The following RNF13 variants were observed in gnomAD, a reference collection of about 807,000 sequenced individuals.
The protein encoded by RNF13 is ring finger protein 13, also known as E3 ubiquitin-protein ligase RNF13.
A neutral mutation model predicts 37.7 loss-of-function variants in RNF13; 19 were observed. The observed-to-expected ratio is 0.50, with a 90% CI of 0.35 to 0.74. The LOEUF is 0.74. RNF13 is among the 30% of genes least tolerant of loss of function. The pLI is 0.01. For missense variants in RNF13, 375 were observed against 453.0 expected, an observed-to-expected ratio of 0.83 and a Z score of 1.56; for synonymous variants, 144 against 157.8, an observed-to-expected ratio of 0.91 and a Z score of 0.65.
chr3:149,905,945 T>G (rs531234909), intron 6 of RNF13, among the ~76,000 whole-genome samples: 129 of 152,302 alleles, frequency 8.5e-4, no homozygotes, highest in Non-Finnish European at 1.6e-3. Context: ...TTTTCAATAT[T>G]CCAAGTAGAA....
intron 8 of RNF13, among the ~76,000 whole-genome samples, chr3:149,929,633 T>C (rs1718976266): frequency 6.6e-6 from 1 of 152,186 alleles, no homozygotes; most frequent in African/African-American, 2.4e-5. Context: ...GGCAAAAATT[T>C]GCAGTACTTC....
At chr3:149,818,490 G>A (rs747032293) in intron 1 of RNF13, among the ~76,000 whole-genome samples, 3 of 152,102 alleles carry the variant, frequency 2.0e-5, no homozygotes, top group Non-Finnish European at 2.9e-5. Flanking sequence ...CTCAACAAAC[G>A]TAGGTACTCA....
rs539437317 is a variant in RNF13, at chr3:149,877,634, A to G, written c.321+5480A>G. On this transcript the variant is annotated intron_variant, in intron 4 of 9. Coordinates refer to ENST00000392894, the MANE Select transcript of RNF13 (RefSeq NM_183381.3). ...TACTCTGCACTACTATTTCAGTAGT[A>G]GTAAGCAAGTAGATACGACCTTAAG... Among the ~76,000 whole-genome samples, 7 of 152,228 alleles carry G rather than the reference A, an allele frequency of 4.6e-5. No individual in the cohort carries two copies. The South Asian group carries it at 1.5e-3, about 32-fold the overall frequency.
At chr3:149,925,664 T>A (rs1362645484) in intron 8 of RNF13, among the ~76,000 whole-genome samples, 2 of 152,214 alleles carry the variant, frequency 1.3e-5, no homozygotes, top group Non-Finnish European at 2.9e-5. Context: ...ATCATACTTT[T>A]GAGAATATAC....
At chr3:149,874,366 C>G (rs1712445489) in intron 4 of RNF13, among the ~76,000 whole-genome samples, 1 of 152,078 alleles carries the variant, frequency 6.6e-6, no homozygotes, top group African/African-American at 2.4e-5. Flanking sequence ...TATTTACTAG[C>G]AGTATGATCT....
intron 3 of RNF13, among the ~76,000 whole-genome samples, chr3:149,869,822 T>C (rs189839137): frequency 4.8e-4 from 73 of 152,026 alleles, no homozygotes; most frequent in African/African-American, 1.8e-3. Context: ...TATTTACTGC[T>C]AGGTTACTGC....
intron 2 of RNF13, among the ~76,000 whole-genome samples, chr3:149,850,919 C>T (rs1016769041): frequency 1.3e-4 from 20 of 152,152 alleles, no homozygotes; most frequent in Admixed American, 5.2e-4. Context: ...GAGTACTCTG[C>T]AAATATGAAT....
intron 3 of RNF13, among the ~76,000 whole-genome samples, chr3:149,854,731 A>G (rs73870452): frequency 0.027 from 4,037 of 152,220 alleles, 68 homozygotes; most frequent in South Asian, 0.036. Flanking sequence ...ACCTCACAAC[A>G]TTTGGCCTCT....
chr3:149,872,820 GA>G (rs2108443556), intron 4 of RNF13, among the ~76,000 whole-genome samples: 1 of 152,296 alleles, frequency 6.6e-6, no homozygotes, highest in East Asian at 1.9e-4. Context: ...CGTTCAGCAA[GA>G]AAAACCGCCC....
At chr3:149,910,054 C>G (rs935022208) in intron 6 of RNF13, among the ~76,000 whole-genome samples, 1 of 151,810 alleles carries the variant, frequency 6.6e-6, no homozygotes, top group East Asian at 1.9e-4. Flanking sequence ...GCTTCTAAAC[C>G]CTGATAGTGT....
intron 1 of RNF13, among the ~76,000 whole-genome samples, chr3:149,836,809 TACTC>T (rs544157194): frequency 5.1e-4 from 77 of 152,354 alleles, no homozygotes; most frequent in African/African-American, 1.9e-3. Context: ...AATGGAATAT[TACTC>T]AGCCTGCTAA....
At chr3:149,833,806 A>G (rs1362157858) in intron 1 of RNF13, among the ~76,000 whole-genome samples, 1 of 152,256 alleles carries the variant, frequency 6.6e-6, no homozygotes, top group Non-Finnish European at 1.5e-5. Flanking sequence ...AAAATTAGAA[A>G]GGAATAAGTA....
chr3:149,818,589 A>T (rs966143513), intron 1 of RNF13, among the ~76,000 whole-genome samples: 1 of 152,116 alleles, frequency 6.6e-6, no homozygotes, highest in Admixed American at 6.6e-5. Context: ...TGTATTAAGG[A>T]CCCATATACC....
intron 1 of RNF13, among the ~76,000 whole-genome samples, chr3:149,825,415 C>T (rs1016170261): frequency 4.6e-5 from 7 of 152,302 alleles, no homozygotes; most frequent in African/African-American, 1.7e-4. Flanking sequence ...CCGCCTGCCT[C>T]GGCCTCCCGG....
At chr3:149,866,013 A>T (rs1293933313) in intron 3 of RNF13, among the ~76,000 whole-genome samples, 17 of 152,172 alleles carry the variant, frequency 1.1e-4, no homozygotes, top group African/African-American at 3.9e-4. Flanking sequence ...TCTTGATGAT[A>T]TGCTAAACAA....
At chr3:149,903,840 TTA>T (rs1716099651) in intron 6 of RNF13, among the ~76,000 whole-genome samples, 3 of 152,182 alleles carry the variant, frequency 2.0e-5, no homozygotes, top group African/African-American at 7.2e-5. Flanking sequence ...ATTGCAAACA[TTA>T]TTTTTTAAAG....
intron 4 of RNF13, among the ~76,000 whole-genome samples, chr3:149,883,773 A>G (rs551851704): frequency 5.3e-5 from 8 of 151,664 alleles, no homozygotes; most frequent in African/African-American, 1.7e-4. Context: ...AACGTGTGCC[A>G]TGGTGGTTTG....
At chr3:149,863,735 G>A (rs1190407804) in intron 3 of RNF13, among the ~76,000 whole-genome samples, 2 of 152,096 alleles carry the variant, frequency 1.3e-5, no homozygotes, top group African/African-American at 4.8e-5. Context: ...AAGTTTTCAT[G>A]GATTTACTTT....
intron 2 of RNF13, among the ~76,000 whole-genome samples, chr3:149,847,066 A>G (rs1182986197): frequency 1.3e-5 from 2 of 152,184 alleles, no homozygotes; most frequent in African/African-American, 2.4e-5. Flanking sequence ...TTTCGACTTT[A>G]TGATGGTATG....
Sources: allele counts gnomAD v4.1 joint callset (sites outside exome capture counted in the v4.1 genomes callset), GRCh38; gene constraint gnomAD v4.1.1; transcripts MANE v1.5; gene names NCBI Gene and HGNC (gene_info 2026-07-23, HGNC 2026-07-21).